Variants in KALRN observed in about 807,000 individuals in gnomAD.
KALRN encodes the protein kalirin RhoGEF kinase.
KALRN carries 70 observed loss-of-function variants against 353.7 expected under a neutral mutation model. The observed-to-expected ratio is 0.20, with a 90% confidence interval of 0.16 to 0.24. KALRN has a LOEUF of 0.24. Ranked by LOEUF, KALRN falls within the 10% of genes least tolerant of loss-of-function variation. The probability of loss-of-function intolerance (pLI) is 1.00; values close to 1 mark genes in which losing one functional copy is unlikely to be tolerated. For missense variants in KALRN, 2,791 were observed against 3,756.7 expected (o/e 0.74, Z 6.72); for synonymous variants, 1,391 against 1,434.8 (o/e 0.97, Z 0.69).
chr3:124,565,065 A>G (rs2072632486), intron 34 of KALRN, among the ~76,000 whole-genome samples: 1 of 152,128 alleles, frequency 6.6e-6, no homozygotes, highest in African/African-American at 2.4e-5. Flanking sequence ...CATATTTAAA[A>G]CACTCCGGTG....
chr3:124,107,645 G>A (rs2062433255), intron 1 of KALRN, among the ~76,000 whole-genome samples: 1 of 152,168 alleles, frequency 6.6e-6, no homozygotes, highest in South Asian at 2.1e-4. Context: ...CCTGCCACAG[G>A]GAGAGAATCC....
intron 1 of KALRN, among the ~76,000 whole-genome samples, chr3:124,192,207 C>T (rs760243801): frequency 2.3e-4 from 35 of 152,158 alleles, no homozygotes; most frequent in Non-Finnish European, 3.5e-4. Context: ...TGATTGGTGT[C>T]CTAGTCATTT....
chr3:124,168,041 G>T (rs973093628), intron 1 of KALRN, among the ~76,000 whole-genome samples: 1 of 152,180 alleles, frequency 6.6e-6, no homozygotes, highest in Admixed American at 6.5e-5. Flanking sequence ...GTGACTTTGT[G>T]TTGGGAAGAT....
chr3:124,399,336 C>T (rs947529603), intron 13 of KALRN, among the ~76,000 whole-genome samples: 5 of 152,114 alleles, frequency 3.3e-5, no homozygotes, highest in African/African-American at 1.2e-4. Context: ...TAGGGTTTCA[C>T]CACGTTGGTC....
At chr3:124,493,829 G>A (rs1561128341) in intron 32 of KALRN, among the ~76,000 whole-genome samples, 1 of 152,216 alleles carries the variant, frequency 6.6e-6, no homozygotes, top group African/African-American at 2.4e-5. Flanking sequence ...AGACCTGCAT[G>A]ACCAGGATAA....
chr3:124,211,148 T>C (rs1267763700), intron 1 of KALRN, among the ~76,000 whole-genome samples: 1 of 152,230 alleles, frequency 6.6e-6, no homozygotes, highest in Admixed American at 6.5e-5. Flanking sequence ...ACTTCATTGA[T>C]TCATTCACTC....
rs1337843588 is a variant in KALRN at position 124,723,824 on chromosome 3, C to A, written c.*4354C>A. The A allele has an allele frequency of 2.0e-5, 3 of 152,158 alleles. No homozygotes were observed. Among genetic ancestry groups the A allele is most frequent in the Non-Finnish European group, 4.4e-5 (3 of 68,026 alleles). The allele number at this position is 152,158 out of a possible 1,614,324, so 9.4% of individuals were successfully genotyped here. ...AGCAACTGCTACCTTCCTTCTCAAG[C>A]TTTATGCTCTGGAAAAAAGGACAGA... On this transcript the variant is annotated 3_prime_UTR_variant, in exon 60 of 60. Transcript: ENST00000682506.
intron 34 of KALRN, among the ~76,000 whole-genome samples, chr3:124,625,491 C>T (rs556864064): frequency 3.3e-5 from 5 of 151,902 alleles, no homozygotes; most frequent in African/African-American, 1.2e-4. Context: ...AAGGCTGAGG[C>T]AGGAGGATCC....
At position 124,240,666 on chromosome 3, in the gene KALRN, G is replaced by A. The variant is rs148132987; in HGVS notation, c.263+5723G>A. Among the ~76,000 whole-genome samples the A allele has an allele frequency of 7.1e-3, 1,078 of 152,210 alleles. 9 individuals are homozygous for A. The highest frequency in any genetic ancestry group is 0.011 in the Non-Finnish European group (741 of 68,018). On this transcript the variant is annotated intron_variant, in intron 3 of 59. Transcript: ENST00000682506. ...TGTACCGAGAAGCCAGATGACAGGG[G>A]AGCCCATTGATGTAGTCCATGTAGG...
rs1182012320 is a variant in KALRN, at chr3:124,650,950, C to T, written c.5795+12C>T. 1.9e-6 allele frequency: 3 copies of T among 1,613,746 alleles called. No individual in the cohort carries two copies. Among genetic ancestry groups the T allele is most frequent in the Non-Finnish European group, 2.5e-6 (3 of 1,179,938 alleles). On this transcript the variant is annotated intron_variant, in intron 38 of 59. Transcript: ENST00000682506. Reference sequence around the variant, plus strand: ...CTGAGAGGCAGGATGTAAGTGGCTTCCCCAGTTCCTCCCTGTGGTGCACAT... The same window carrying T: ...CTGAGAGGCAGGATGTAAGTGGCTTTCCCAGTTCCTCCCTGTGGTGCACAT...
At chr3:124,326,777 G>A (rs1280554402) in intron 7 of KALRN, among the ~76,000 whole-genome samples, 5 of 152,210 alleles carry the variant, frequency 3.3e-5, no homozygotes, top group Non-Finnish European at 5.9e-5. Context: ...CTCATGGAGA[G>A]ACAGTTGTTA....
chr3:124,201,145 G>A (rs993221486), intron 1 of KALRN, among the ~76,000 whole-genome samples: 8 of 152,240 alleles, frequency 5.3e-5, no homozygotes, highest in Non-Finnish European at 1.0e-4. Context: ...TTGTGACCAA[G>A]AGACAAAGGC....
intron 15 of KALRN, among the ~76,000 whole-genome samples, chr3:124,426,759 C>T (rs917244406): frequency 5.3e-5 from 8 of 152,140 alleles, no homozygotes; most frequent in Admixed American, 2.6e-4. Flanking sequence ...TCTCCAAACC[C>T]GAAAGAGTGC....
chr3:124,620,112 G>C (rs531155861), intron 34 of KALRN, among the ~76,000 whole-genome samples: 1 of 151,366 alleles, frequency 6.6e-6, no homozygotes, highest in South Asian at 2.1e-4. Context: ...TTTTGGTTTT[G>C]GTTTTGAGAC....
intron 6 of KALRN, among the ~76,000 whole-genome samples, chr3:124,303,803 G>C (rs1018607956): frequency 1.3e-5 from 2 of 152,038 alleles, no homozygotes; most frequent in African/African-American, 4.8e-5. Flanking sequence ...TAATTTGCTC[G>C]CCAAAGGCAC....
chr3:124,577,439 T>A (rs2074223158), intron 34 of KALRN, among the ~76,000 whole-genome samples: 1 of 152,144 alleles, frequency 6.6e-6, no homozygotes. Flanking sequence ...CCAGCAGTGG[T>A]GCAGTGGTTA....
At chr3:124,077,459 G>C (rs1260379513) in intron 1 of KALRN, among the ~76,000 whole-genome samples, 10 of 152,048 alleles carry the variant, frequency 6.6e-5, no homozygotes, top group Admixed American at 5.9e-4. Context: ...CACATATGCA[G>C]GGCCACTCAT....
intron 34 of KALRN, among the ~76,000 whole-genome samples, chr3:124,608,250 G>A (rs111513288): frequency 0.025 from 3,842 of 151,902 alleles, 166 homozygotes; most frequent in African/African-American, 0.085. Flanking sequence ...CAAGTGATCT[G>A]CCCACCTTGT....
At chr3:124,556,978 A>G (rs570089949) in intron 33 of KALRN, among the ~76,000 whole-genome samples, 1 of 152,350 alleles carries the variant, frequency 6.6e-6, no homozygotes, top group Admixed American at 6.5e-5. Context: ...AAGCTATTAC[A>G]AAGCTTTATA....
Sources: allele counts gnomAD v4.1 joint callset (sites outside exome capture counted in the v4.1 genomes callset), GRCh38; gene constraint gnomAD v4.1.1; transcripts MANE v1.5; gene names NCBI Gene and HGNC (gene_info 2026-07-23, HGNC 2026-07-21).